Variants in CNTN5 observed in about 807,000 individuals in gnomAD.
The protein encoded by CNTN5 is contactin 5, also known as contactin-5.
A neutral mutation model predicts 129.1 loss-of-function variants in CNTN5; 77 were observed. The observed-to-expected ratio is 0.60, with a 90% CI of 0.50 to 0.72. The LOEUF (loss-of-function observed/expected upper bound fraction) is 0.72, where lower values mean the gene tolerates loss of function less well. CNTN5 is among the 30% of genes least tolerant of loss of function. CNTN5 has a pLI of 0.00. For missense variants in CNTN5, 1,478 were observed against 1,328.8 expected (o/e 1.11, Z -1.75); for synonymous variants, 509 against 465.6 (o/e 1.09, Z -1.20).
intron 2 of CNTN5, among the ~76,000 whole-genome samples, chr11:99,448,011 A>C (rs1195290267): frequency 6.6e-6 from 1 of 152,204 alleles, no homozygotes; most frequent in Non-Finnish European, 1.5e-5. Context: ...AATCTCTAAA[A>C]TTAGCATGAT....
intron 3 of CNTN5, among the ~76,000 whole-genome samples, chr11:99,617,817 C>T (rs1950808205): frequency 1.3e-5 from 2 of 151,972 alleles, no homozygotes; most frequent in South Asian, 2.1e-4. Flanking sequence ...AGACAAATTC[C>T]ACCTAACAGT....
At chr11:99,587,904 T>C (rs1273603651) in intron 3 of CNTN5, among the ~76,000 whole-genome samples, 1 of 152,168 alleles carries the variant, frequency 6.6e-6, no homozygotes, top group Non-Finnish European at 1.5e-5. Context: ...AGTGGAAACA[T>C]TTTTATTTTC....
intron 2 of CNTN5, among the ~76,000 whole-genome samples, chr11:99,451,343 C>G (rs1391748907): frequency 6.6e-6 from 1 of 152,080 alleles, no homozygotes; most frequent in Non-Finnish European, 1.5e-5. Flanking sequence ...ATGAAATTCA[C>G]ATTAGCCGAT....
At chr11:99,719,608 C>T (rs1421700613) in intron 3 of CNTN5, among the ~76,000 whole-genome samples, 1 of 151,900 alleles carries the variant, frequency 6.6e-6, no homozygotes, top group Non-Finnish European at 1.5e-5. Context: ...CTCAAATTAA[C>T]AACCTAACTT....
intron 2 of CNTN5, among the ~76,000 whole-genome samples, chr11:99,520,914 A>G (rs1378891148): frequency 1.3e-5 from 2 of 152,172 alleles, no homozygotes; most frequent in African/African-American, 2.4e-5. Context: ...GGCAGGATCC[A>G]TGGTAGAGGT....
chr11:100,080,442 A>G (rs1254936877), intron 13 of CNTN5, among the ~76,000 whole-genome samples: 1 of 152,106 alleles, frequency 6.6e-6, no homozygotes, highest in Non-Finnish European at 1.5e-5. Context: ...AGAAATACCC[A>G]TTATTTGACT....
In CNTN5 at chr11:99,075,329, A is replaced by G. The variant is rs12365452; in HGVS notation, c.-210+54059A>G. ...ACTAAACAGGAATTTTTAAAAGTATACATGCAAATACCAGAAAGAGGGATT... is the reference window on the plus strand; with the variant it reads ...ACTAAACAGGAATTTTTAAAAGTATGCATGCAAATACCAGAAAGAGGGATT... On this transcript the variant is annotated intron_variant, in intron 1 of 24. Transcript: ENST00000524871. Among the ~76,000 whole-genome samples the G allele has an allele frequency of 5.5e-3, 832 of 152,330 alleles. 4 individuals are homozygous for G. Among genetic ancestry groups the G allele is most frequent in the Non-Finnish European group, 9.7e-3 (661 of 68,004 alleles).
At chr11:99,796,826 C>G (rs76441797) in intron 3 of CNTN5, among the ~76,000 whole-genome samples, 5,085 of 152,170 alleles carry the variant, frequency 0.033, 134 homozygotes, top group South Asian at 0.097. Context: ...GCTACACTGG[C>G]TGGGTTTTTT....
chr11:99,066,665 T>C (rs1865116086), intron 1 of CNTN5, among the ~76,000 whole-genome samples: 1 of 152,138 alleles, frequency 6.6e-6, no homozygotes. Context: ...GTATGTAAAG[T>C]AAATTGTGAC....
chr11:99,743,989 T>C (rs985365984), intron 3 of CNTN5, among the ~76,000 whole-genome samples: 4 of 152,092 alleles, frequency 2.6e-5, no homozygotes, highest in African/African-American at 9.7e-5. Flanking sequence ...ACCCTGACTT[T>C]TGTACCCCCA....
At chr11:99,861,315 G>A (rs1948200878) in intron 6 of CNTN5, among the ~76,000 whole-genome samples, 1 of 152,050 alleles carries the variant, frequency 6.6e-6, no homozygotes, top group South Asian at 2.1e-4. Context: ...GTTCTCCTTG[G>A]AGAGATCTTT....
chr11:100,073,071 C>A (rs1309391350), intron 12 of CNTN5, among the ~76,000 whole-genome samples: 2 of 137,108 alleles, frequency 1.5e-5, no homozygotes, highest in African/African-American at 5.6e-5. Context: ...TTCTTTGAGA[C>A]AAAATCTCAC....
chr11:99,933,220 T>C (rs759727545), intron 7 of CNTN5, among the ~76,000 whole-genome samples: 6 of 152,184 alleles, frequency 3.9e-5, no homozygotes, highest in Non-Finnish European at 8.8e-5. Flanking sequence ...TAGAAACAAA[T>C]AGAAAATGTT....
At chr11:99,347,025 A>C (rs1315409471) in intron 2 of CNTN5, among the ~76,000 whole-genome samples, 1 of 152,222 alleles carries the variant, frequency 6.6e-6, no homozygotes, top group Non-Finnish European at 1.5e-5. Flanking sequence ...GATATGAGAC[A>C]CTATGTTGTT....
chr11:100,017,583 A>T (rs891612342), intron 9 of CNTN5, among the ~76,000 whole-genome samples: 58 of 152,112 alleles, frequency 3.8e-4, no homozygotes, highest in African/African-American at 1.4e-3. Flanking sequence ...TTAGAACCTG[A>T]GTGATGACAT....
At chr11:99,581,101 T>C (rs1244858881) in intron 3 of CNTN5, among the ~76,000 whole-genome samples, 3 of 146,794 alleles carry the variant, frequency 2.0e-5, no homozygotes, top group East Asian at 2.0e-4. Context: ...CCAGTAGTCA[T>C]TCAGGAGCAG....
At chr11:99,142,762 G>A (rs575466586) in intron 1 of CNTN5, among the ~76,000 whole-genome samples, 120 of 152,150 alleles carry the variant, frequency 7.9e-4, no homozygotes, top group African/African-American at 2.8e-3. Context: ...TTCTACACAG[G>A]CTAGAGTCCT....
At chr11:99,153,002 G>C (rs573606005) in intron 1 of CNTN5, among the ~76,000 whole-genome samples, 14 of 152,328 alleles carry the variant, frequency 9.2e-5, no homozygotes, top group African/African-American at 3.4e-4. Flanking sequence ...TGTTTCTGCT[G>C]AAAGTTCTGC....
intron 1 of CNTN5, among the ~76,000 whole-genome samples, chr11:99,255,290 G>C (rs1862318850): frequency 6.6e-6 from 1 of 151,588 alleles, no homozygotes; most frequent in Non-Finnish European, 1.5e-5. Flanking sequence ...TAAGCATATA[G>C]TTATTTAACT....
Sources: allele counts gnomAD v4.1 joint callset (sites outside exome capture counted in the v4.1 genomes callset), GRCh38; gene constraint gnomAD v4.1.1; transcripts MANE v1.5; gene names NCBI Gene and HGNC (gene_info 2026-07-23, HGNC 2026-07-21).